The following ATP13A3 variants were observed in gnomAD, a reference collection of about 807,000 sequenced individuals.
The protein encoded by ATP13A3 is polyamine-transporting ATPase 13A3.
In ATP13A3, 59 loss-of-function variants were observed where a neutral mutation model predicts 158.1. The observed-to-expected ratio is 0.37, with a 90% CI of 0.30 to 0.46. The LOEUF is 0.46. Ranked by LOEUF, ATP13A3 falls within the 20% of genes least tolerant of loss-of-function variation. The pLI, the probability that ATP13A3 is intolerant of heterozygous loss-of-function variation, is 1.00. For missense variants in ATP13A3, 1,166 were observed against 1,525.2 expected, an observed-to-expected ratio of 0.76 and a Z score of 3.92; for synonymous variants, 491 against 504.3, an observed-to-expected ratio of 0.97 and a Z score of 0.35.
At chr3:194,464,134 C>T (rs1017125239) in intron 2 of ATP13A3, among the ~76,000 whole-genome samples, 1 of 152,206 alleles carries the variant, frequency 6.6e-6, no homozygotes, top group African/African-American at 2.4e-5. Context: ...GCACTCCAGC[C>T]TGGGCGACAG....
At chr3:194,454,646 T>G (rs1402160376) in intron 8 of ATP13A3, among the ~76,000 whole-genome samples, 1 of 151,812 alleles carries the variant, frequency 6.6e-6, no homozygotes. Context: ...GCTAACACGG[T>G]GAAACCCTGT....
At chr3:194,446,303 T>G (rs1718400109) in intron 14 of ATP13A3, among the ~76,000 whole-genome samples, 2 of 152,100 alleles carry the variant, frequency 1.3e-5, no homozygotes. Context: ...GTTCTCTCCC[T>G]GTCTGCATGG....
chr3:194,462,566 C>T (rs184090162), intron 2 of ATP13A3, among the ~76,000 whole-genome samples: 48 of 152,344 alleles, frequency 3.2e-4, no homozygotes, highest in Middle Eastern at 3.4e-3. Context: ...ATCCCGAAAC[C>T]ATCCCTCCCC....
Position 194,448,556 on chromosome 3 carries a change from G to C in ATP13A3, c.1051C>G (p.Pro351Ala). Residue 351 changes from proline (P) to alanine (A), a missense_variant, in exon 12 of 34, where the codon CCA becomes GCA. Pro to Ala is a conservative substitution (Grantham distance 27, BLOSUM62 -1). Around this residue, in one of 3 missense-constraint regions of ATP13A3, gnomAD observed 997 missense variants for 1,341.2 expected, o/e 0.74. Transcript: ENST00000645319. The surrounding 1 kb of genome is among the most constrained non-coding windows in gnomAD (Gnocchi z 4.0). ...VKGIGDELYN[P>A]ETHKRHTLFC... ...AAAGTATGTCGTTTATGTGTTTCTG[G>C]ATTATATAATTCATCTCCTATTCCT... 1 of 1,613,938 alleles carries C rather than the reference G, an allele frequency of 6.2e-7. No individual in the cohort carries two copies. The highest frequency in any genetic ancestry group is 8.5e-7 in the Non-Finnish European group (1 of 1,179,884).
At chr3:194,453,607 A>C in intron 10 of ATP13A3, 99 bp downstream of exon 10, 9 of 881,272 alleles carry the variant, frequency 1.0e-5, no homozygotes, top group Non-Finnish European at 1.6e-5. Flanking sequence ...TCAATCAATC[A>C]ATCAAAGAAT....
At chr3:194,437,608 G>A (rs1279280850) in intron 17 of ATP13A3, 35 bp from the exon 18 acceptor site, 1 of 1,566,804 alleles carries the variant, frequency 6.4e-7, no homozygotes, top group African/African-American at 1.4e-5. Flanking sequence ...AAATAGTACA[G>A]ATTAACTCTA....
intron 26 of ATP13A3, 109 bp downstream of exon 26, chr3:194,429,963 G>A (rs552912321): frequency 5.9e-5 from 62 of 1,052,272 alleles, no homozygotes; most frequent in Non-Finnish European, 8.6e-5. Context: ...GCTCAAATGT[G>A]CTAATCTGCT....
chr3:194,442,552 G>C (rs760391457), intron 15 of ATP13A3, among the ~76,000 whole-genome samples: 6 of 152,160 alleles, frequency 3.9e-5, no homozygotes, highest in African/African-American at 1.4e-4. Context: ...GTAAGACACT[G>C]TAGATGCGAG....
At chr3:194,438,522 T>C (rs1359506277) in intron 17 of ATP13A3, among the ~76,000 whole-genome samples, 2 of 152,264 alleles carry the variant, frequency 1.3e-5, no homozygotes, top group Non-Finnish European at 2.9e-5. Context: ...CTGAGAATTA[T>C]ATCTCAACAC....
intron 31 of ATP13A3, 110 bp from the exon 32 acceptor site, chr3:194,413,949 C>T (rs947693187): frequency 1.2e-6 from 1 of 868,042 alleles, no homozygotes; most frequent in Admixed American, 1.8e-5. Flanking sequence ...CAAACACCTT[C>T]ATATACATTA....
At chr3:194,424,192 A>G (rs1488489352) in intron 30 of ATP13A3, among the ~76,000 whole-genome samples, 1 of 151,840 alleles carries the variant, frequency 6.6e-6, no homozygotes, top group Non-Finnish European at 1.5e-5. Flanking sequence ...ATGGTTATAC[A>G]GCAATACACA....
At position 194,448,036 on chromosome 3, in the gene ATP13A3, A is replaced by G. The variant is rs746719323; in HGVS notation, c.1151-27T>C. On this transcript the variant is annotated intron_variant, in intron 12 of 33. Transcript: ENST00000645319. The surrounding 1 kb of genome is among the most constrained non-coding windows in gnomAD (Gnocchi z 4.0). Reference sequence around the variant, plus strand: ...TTTCAAAAAAAGAAGACAATTATTGATATTTTTATAAGAAAATGAGAATTA... The same window carrying G: ...TTTCAAAAAAAGAAGACAATTATTGGTATTTTTATAAGAAAATGAGAATTA... 3.9e-6 allele frequency: 6 copies of G among 1,546,204 alleles called. No homozygotes were observed. Among genetic ancestry groups the G allele is most frequent in the Non-Finnish European group, 5.3e-6 (6 of 1,130,844 alleles).
chr3:194,412,836 C>T (rs1417341817), intron 32 of ATP13A3: 1 of 153,196 alleles, frequency 6.5e-6, no homozygotes, highest in African/African-American at 2.4e-5. Flanking sequence ...AAGGTCAGTA[C>T]CATAATATCC....
intron 27 of ATP13A3, among the ~76,000 whole-genome samples, chr3:194,429,402 A>G (rs1179226799): frequency 6.6e-6 from 1 of 152,238 alleles, no homozygotes; most frequent in African/African-American, 2.4e-5. Context: ...CACTTTGATT[A>G]TAAAATCTGA....
chr3:194,414,953 G>A (rs1455810858), intron 31 of ATP13A3, among the ~76,000 whole-genome samples: 1 of 152,170 alleles, frequency 6.6e-6, no homozygotes, highest in Admixed American at 6.5e-5. Flanking sequence ...TATAGATGGT[G>A]ATTACAGGTG....
intron 33 of ATP13A3, among the ~76,000 whole-genome samples, chr3:194,410,968 G>A (rs1234590754): frequency 2.0e-5 from 3 of 146,638 alleles, no homozygotes; most frequent in Non-Finnish European, 4.5e-5. Flanking sequence ...GTGTGTGTGT[G>A]TGTATACACA....
At chr3:194,490,550 G>C (rs1721135617), upstream of ATP13A3, among the ~76,000 whole-genome samples, 2 of 152,172 alleles carry the variant, frequency 1.3e-5, no homozygotes, top group African/African-American at 2.4e-5. The surrounding 1 kb of genome is among the most constrained non-coding windows in gnomAD (Gnocchi z 4.4). Context: ...AAATGTTGCT[G>C]TTCCCCAAGG....
chr3:194,444,803 C>T lies in ATP13A3; in HGVS notation c.1498-17G>A. ...AGTTCCAGTCTAAAAAACAAAAAAG[C>T]ACACATGCACAAAGTATGGATGATG... On this transcript the variant is annotated splice_polypyrimidine_tract_variant and intron_variant, in intron 14 of 33. Coordinates refer to ENST00000645319, the MANE Select transcript of ATP13A3 (RefSeq NM_001367549.1). The T allele has an allele frequency of 1.3e-6, 2 of 1,580,136 alleles. No homozygotes were observed. Among genetic ancestry groups the T allele is most frequent in the African/African-American group, 1.4e-5 (1 of 72,678 alleles).
intron 33 of ATP13A3, among the ~76,000 whole-genome samples, chr3:194,406,397 T>A (rs886607701): frequency 1.3e-5 from 2 of 152,162 alleles, no homozygotes; most frequent in Non-Finnish European, 2.9e-5. Flanking sequence ...AAATGTGTGT[T>A]CTTTTGTTTT....
Sources: allele counts gnomAD v4.1 joint callset (sites outside exome capture counted in the v4.1 genomes callset), GRCh38; gene constraint gnomAD v4.1.1; regional missense constraint gnomAD v4.1.1; non-coding constraint Gnocchi (gnomAD v3.1); transcripts MANE v1.5; gene names NCBI Gene and HGNC (gene_info 2026-07-23, HGNC 2026-07-21).